The following CTNNA3 variants were observed in gnomAD, a reference collection of about 807,000 sequenced individuals.
CTNNA3 encodes catenin alpha-3.
A neutral mutation model predicts 95.7 loss-of-function variants in CTNNA3; 76 were observed. The observed-to-expected ratio is 0.79, with a 90% confidence interval of 0.66 to 0.96. The LOEUF is 0.96. Among genes scored for constraint, CTNNA3 ranks in the 40% least tolerant of loss-of-function variants. The pLI is 0.00. For synonymous variants in CTNNA3, 431 were observed against 374.4 expected (o/e 1.15, Z -1.74); for missense variants, 1,191 against 1,089.8 (o/e 1.09, Z -1.31).
intron 9 of CTNNA3, among the ~76,000 whole-genome samples, chr10:66,750,161 G>T (rs982659789): frequency 3.9e-5 from 6 of 152,062 alleles, no homozygotes; most frequent in Admixed American, 1.3e-4. Flanking sequence ...CATGTGTGTG[G>T]CTTTGTTTTC....
intron 7 of CTNNA3, among the ~76,000 whole-genome samples, chr10:66,894,676 T>G (rs1005278684): frequency 1.3e-5 from 2 of 152,062 alleles, no homozygotes; most frequent in African/African-American, 4.8e-5. Context: ...TGAATGTATA[T>G]TTTAATTAAG....
At chr10:66,020,950 C>G (rs558522892) in intron 15 of CTNNA3, among the ~76,000 whole-genome samples, 5 of 152,210 alleles carry the variant, frequency 3.3e-5, no homozygotes, top group South Asian at 2.1e-4. Flanking sequence ...TGGGATTACA[C>G]ACGTGAGCCA....
At chr10:66,692,218 A>G (rs1220217771) in intron 9 of CTNNA3, among the ~76,000 whole-genome samples, 2 of 152,148 alleles carry the variant, frequency 1.3e-5, no homozygotes, top group African/African-American at 4.8e-5. Flanking sequence ...ACTTTGAAAA[A>G]AATTTAGATG....
rs1056329542 is a variant in CTNNA3 at position 67,565,151 on chromosome 10, T to C, written c.293-25482A>G. Among the ~76,000 whole-genome samples, 6 of 120,666 alleles carry C rather than the reference T, an allele frequency of 5.0e-5. No homozygotes were observed. In the Admixed American group the frequency reaches 5.2e-4, roughly 10 times the overall value. The allele number at this position is 120,666 out of a possible 152,430, so 79.2% of individuals were successfully genotyped here. A position where few individuals can be genotyped will look rare whatever the true frequency, so the allele number is the denominator to read the frequency against. ...AAATTATCCCTGTTTGCTGATGATA[T>C]GATCTTATATTTAGAAAACCCTAAA... On this transcript the variant is annotated intron_variant, in intron 3 of 17. Coordinates refer to ENST00000433211, the MANE Select transcript of CTNNA3 (RefSeq NM_013266.4).
chr10:66,104,246 T>G (rs2081787590), intron 13 of CTNNA3, among the ~76,000 whole-genome samples: 1 of 152,192 alleles, frequency 6.6e-6, no homozygotes, highest in African/African-American at 2.4e-5. Flanking sequence ...GCCAAGTGTT[T>G]CCTAGCCCCC....
chr10:66,428,112 G>C (rs1304349876), intron 11 of CTNNA3, among the ~76,000 whole-genome samples: 4 of 152,076 alleles, frequency 2.6e-5, no homozygotes, highest in Non-Finnish European at 2.9e-5. Context: ...CCTAGTCTCT[G>C]ATAAAACAGA....
chr10:67,269,913 A>G (rs1398318958), intron 5 of CTNNA3, among the ~76,000 whole-genome samples: 1 of 152,160 alleles, frequency 6.6e-6, no homozygotes, highest in Non-Finnish European at 1.5e-5. Context: ...GGTATATCCT[A>G]CAAACATTTG....
Position 67,465,491 on chromosome 10 carries a change from C to T in CTNNA3, c.579+56351G>A, listed in dbSNP as rs567188734. On this transcript the variant is annotated intron_variant, in intron 5 of 17. Coordinates refer to ENST00000433211, the MANE Select transcript of CTNNA3 (RefSeq NM_013266.4). ...GTAAAGTTTTATCAATTTATGATGCCTGCTGTTCAAAGGAAAAAATCCAAA... is the reference window on the plus strand; with the variant it reads ...GTAAAGTTTTATCAATTTATGATGCTTGCTGTTCAAAGGAAAAAATCCAAA... 2.0e-5 allele frequency among the ~76,000 whole-genome samples: 3 copies of T among 152,196 alleles called. No individual in the cohort carries two copies. The South Asian group carries it at 6.2e-4, about 32-fold the overall frequency.
intron 13 of CTNNA3, among the ~76,000 whole-genome samples, chr10:66,184,611 G>A (rs2086233987): frequency 6.6e-6 from 1 of 152,150 alleles, no homozygotes; most frequent in Non-Finnish European, 1.5e-5. Flanking sequence ...CCATAGATAT[G>A]AAAGTCTTTT....
At chr10:66,161,056 T>C (rs974617297) in intron 13 of CTNNA3, among the ~76,000 whole-genome samples, 2 of 152,188 alleles carry the variant, frequency 1.3e-5, no homozygotes, top group Non-Finnish European at 2.9e-5. Flanking sequence ...ACCTTTTCTT[T>C]AGGTTTATGT....
chr10:67,719,343 T>C (rs1394990872), intron 1 of CTNNA3, among the ~76,000 whole-genome samples: 1 of 151,962 alleles, frequency 6.6e-6, no homozygotes, highest in Non-Finnish European at 1.5e-5. Context: ...TTCTGCTAGC[T>C]TTTGAATTTG....
chr10:66,230,746 G>A (rs2089546281), intron 13 of CTNNA3, among the ~76,000 whole-genome samples: 1 of 152,098 alleles, frequency 6.6e-6, no homozygotes, highest in African/African-American at 2.4e-5. Flanking sequence ...GAAAGCCCTG[G>A]GCAGGTGGCT....
At position 66,353,875 on chromosome 10, in the gene CTNNA3, T is replaced by A. The variant is rs1345850241; in HGVS notation, c.1732+25277A>T. 2.1e-5 allele frequency among the ~76,000 whole-genome samples: 3 copies of A among 140,260 alleles called. No homozygotes were observed. The Admixed American group carries it at 2.3e-4, about 11-fold the overall frequency. The allele number at this position is 140,260 out of a possible 152,430, so 92.0% of individuals were successfully genotyped here. On this transcript the variant is annotated intron_variant, in intron 12 of 17. Coordinates refer to ENST00000433211, the MANE Select transcript of CTNNA3 (RefSeq NM_013266.4). ...GGAGGCTTTTTGTTTTGTTTCACTA[T>A]GCAAATGGGGAAAGAGTAAAAAAAA...
rs192098489 is a variant in CTNNA3, at chr10:66,065,473, T to C, written c.2159+3835A>G. Among the ~76,000 whole-genome samples, 390 of 152,260 alleles carry C rather than the reference T, an allele frequency of 2.6e-3. 6 individuals carry two copies. The highest frequency in any genetic ancestry group is 9.1e-3 in the African/African-American group (377 of 41,560). ...TGATCTGCTATTCTCTTACCTATCT[T>C]TTTAAATAAGGTTTTTTTCCATTCA... On this transcript the variant is annotated intron_variant, in intron 15 of 17. Transcript: ENST00000433211.
Position 66,809,480 on chromosome 10 carries a change from C to T in CTNNA3, c.1048-33956G>A, listed in dbSNP as rs912575152. Among the ~76,000 whole-genome samples the T allele has an allele frequency of 3.3e-5, 5 of 152,178 alleles. 1 individual carries two copies. The highest frequency in any genetic ancestry group is 3.3e-4 in the Admixed American group (5 of 15,278). ...ATTTTTCTTGGATCTGGGATCCTCA[C>T]AAAATATTCATTTTTGTTCTTTTAA... On this transcript the variant is annotated intron_variant, in intron 7 of 17. Coordinates refer to ENST00000433211, the MANE Select transcript of CTNNA3 (RefSeq NM_013266.4).
intron 11 of CTNNA3, among the ~76,000 whole-genome samples, chr10:66,460,288 G>C (rs1475158129): frequency 2.0e-5 from 3 of 152,164 alleles, no homozygotes; most frequent in Admixed American, 6.6e-5. Flanking sequence ...ACTTGTGCCA[G>C]AATGTAAATT....
intron 5 of CTNNA3, among the ~76,000 whole-genome samples, chr10:67,278,255 G>C (rs1839263282): frequency 1.3e-5 from 2 of 152,176 alleles, no homozygotes; most frequent in Non-Finnish European, 2.9e-5. Flanking sequence ...AATATTTTAA[G>C]AGATTTATTC....
At chr10:67,222,055 T>C (rs1490131895) in intron 5 of CTNNA3, among the ~76,000 whole-genome samples, 2 of 152,178 alleles carry the variant, frequency 1.3e-5, no homozygotes, top group Non-Finnish European at 2.9e-5. Context: ...GTCTACTGAT[T>C]GCTAACCTTA....
intron 7 of CTNNA3, among the ~76,000 whole-genome samples, chr10:66,990,495 A>AT (rs899750692): frequency 6.6e-6 from 1 of 152,246 alleles, no homozygotes; most frequent in Non-Finnish European, 1.5e-5. Flanking sequence ...ACCTATTTAG[A>AT]TTTTTTTGTA....
Sources: allele counts gnomAD v4.1 joint callset (sites outside exome capture counted in the v4.1 genomes callset), GRCh38; gene constraint gnomAD v4.1.1; transcripts MANE v1.5; gene names NCBI Gene and HGNC (gene_info 2026-07-23, HGNC 2026-07-21).